The following TYW1 variants were observed in gnomAD, a reference collection of about 807,000 sequenced individuals.
The protein encoded by TYW1 is tRNA-yW synthesizing protein 1 homolog.
In TYW1, 46 loss-of-function variants were observed where a neutral mutation model predicts 96.2. The observed-to-expected ratio is 0.48, with a 90% CI of 0.38 to 0.61. The LOEUF (loss-of-function observed/expected upper bound fraction) is 0.61, where lower values mean the gene tolerates loss of function less well. Ranked by LOEUF, TYW1 falls within the 20% of genes least tolerant of loss-of-function variation. TYW1 has a pLI of 0.00. For synonymous variants in TYW1, 274 were observed against 323.0 expected, an observed-to-expected ratio of 0.85 and a Z score of 1.63; for missense variants, 684 against 909.6, an observed-to-expected ratio of 0.75 and a Z score of 3.19.
Position 67,098,734 on chromosome 7 carries a change from T to C in TYW1, c.1562+16T>C, listed in dbSNP as rs778900116. The stretch of plus-strand genomic sequence containing the variant: ...CGGAAATCAGGTGAGTTCTCCAGCC[T>C]ATGGAGAGATGCTGCTTGAATCTAT... On this transcript the variant is annotated intron_variant, in intron 12 of 15. Transcript: ENST00000359626. The C allele has an allele frequency of 6.3e-7, 1 of 1,590,156 alleles. No homozygotes were observed. The highest frequency in any genetic ancestry group is 1.2e-5 in the South Asian group (1 of 86,932).
At chr7:67,007,860 C>T (rs1421479168) in intron 3 of TYW1, among the ~76,000 whole-genome samples, 1 of 152,112 alleles carries the variant, frequency 6.6e-6, no homozygotes. Context: ...GTCTTGAACT[C>T]CTGACCTCAG....
chr7:67,096,346 C>T (rs1388633678), intron 11 of TYW1, among the ~76,000 whole-genome samples: 4 of 152,106 alleles, frequency 2.6e-5, no homozygotes, highest in East Asian at 1.9e-4. Context: ...GCTATTTTGC[C>T]ACTGCAATCC....
intron 12 of TYW1, among the ~76,000 whole-genome samples, chr7:67,108,798 G>T (rs7795025): frequency 0.17 from 26,350 of 151,786 alleles, 2,642 homozygotes; most frequent in African/African-American, 0.27. Flanking sequence ...TTACCAAATG[G>T]CCATTTGCTG....
At chr7:67,136,380 A>G (rs1247781750) in intron 13 of TYW1, among the ~76,000 whole-genome samples, 1 of 152,214 alleles carries the variant, frequency 6.6e-6, no homozygotes, top group Non-Finnish European at 1.5e-5. Flanking sequence ...GTATGAAACT[A>G]TTACAGTTAT....
rs139901081 is a variant in TYW1, at chr7:67,235,654, G to A, written c.1978-2654G>A. Among the ~76,000 whole-genome samples, 332 of 152,206 alleles carry A rather than the reference G, an allele frequency of 2.2e-3. 13 individuals are homozygous for A. In the East Asian group the frequency reaches 0.062, roughly 28 times the overall value. ...CGCCTGTTATCCCAGCACTTTGGGA[G>A]GCCGAGATGGGCGGATCACAAGGTC... On this transcript the variant is annotated intron_variant, in intron 15 of 15. Transcript: ENST00000359626.
intron 9 of TYW1, among the ~76,000 whole-genome samples, chr7:67,066,024 C>A (rs868773687): frequency 1.3e-3 from 184 of 136,608 alleles, no homozygotes; most frequent in African/African-American, 4.9e-3. Context: ...CACACACACA[C>A]ACACACACCC....
chr7:67,162,464 T>C (rs527629212), intron 13 of TYW1, among the ~76,000 whole-genome samples: 2 of 152,266 alleles, frequency 1.3e-5, no homozygotes, highest in African/African-American at 2.4e-5. Context: ...TCTGGAGAAA[T>C]AGACCTGCTC....
At position 67,101,042 on chromosome 7, in the gene TYW1, T is replaced by C. The variant is rs1797071653; in HGVS notation, c.1562+2324T>C. On this transcript the variant is annotated intron_variant, in intron 12 of 15. Coordinates refer to ENST00000359626, the MANE Select transcript of TYW1 (RefSeq NM_018264.4). ...TTATCAGAAGCCTGTACTGCTTCTG[T>C]GTCTCTTTGTTGTGCTTATGTGGGA... Among the ~76,000 whole-genome samples, 3 of 152,222 alleles carry C rather than the reference T, an allele frequency of 2.0e-5. No individual in the cohort carries two copies. In the South Asian group the frequency reaches 6.2e-4, roughly 32 times the overall value.
chr7:67,138,096 A>T (rs7809810), intron 13 of TYW1, among the ~76,000 whole-genome samples: 48,119 of 151,934 alleles, frequency 0.32, 8,216 homozygotes, highest in African/African-American at 0.45. Flanking sequence ...CTTGCTTTGC[A>T]GACACCCCAC....
intron 10 of TYW1, among the ~76,000 whole-genome samples, chr7:67,076,775 CT>C (rs543408648): frequency 3.4e-3 from 418 of 123,596 alleles, no homozygotes; most frequent in Middle Eastern, 4.9e-3. Flanking sequence ...TGCACTCAGC[CT>C]TTTTTTTTTT....
intron 11 of TYW1, among the ~76,000 whole-genome samples, chr7:67,085,793 A>AC (rs1370648006): frequency 1.3e-5 from 2 of 151,920 alleles, no homozygotes; most frequent in Admixed American, 1.3e-4. Context: ...ACATGGTGAA[A>AC]CCCCATCTCT....
intron 12 of TYW1, among the ~76,000 whole-genome samples, chr7:67,101,165 G>A (rs1797077716): frequency 6.6e-6 from 1 of 152,152 alleles, no homozygotes. Flanking sequence ...GCACCTGAAC[G>A]GAAAGGAATG....
rs116847508 is a variant in TYW1 at position 67,081,070 on chromosome 7, G to T, written c.1275-2360G>T. On this transcript the variant is annotated intron_variant, in intron 10 of 15. Transcript: ENST00000359626. ...AGTTTATACTTTTGTGTATTTTCAT[G>T]ATGGTAATTATTCTTTCACTTCCTG... Among the ~76,000 whole-genome samples the T allele has an allele frequency of 9.8e-4, 141 of 143,428 alleles. 1 individual carries two copies. In the East Asian group the frequency reaches 0.024, roughly 24 times the overall value. The allele number at this position is 143,428 out of a possible 152,430, so 94.1% of individuals were successfully genotyped here.
intron 3 of TYW1, among the ~76,000 whole-genome samples, chr7:67,007,667 C>T (rs1793647773): frequency 6.6e-6 from 1 of 152,108 alleles, no homozygotes; most frequent in Non-Finnish European, 1.5e-5. Flanking sequence ...GAGTCTCGCT[C>T]TGTCGTCCAG....
intron 7 of TYW1, among the ~76,000 whole-genome samples, chr7:67,030,926 C>T (rs1403639670): frequency 1.3e-5 from 2 of 151,716 alleles, no homozygotes; most frequent in Non-Finnish European, 2.9e-5. Context: ...GTTGGCCTGG[C>T]ACGGTGGCTC....
At chr7:67,140,920 G>T (rs1442816319) in intron 13 of TYW1, among the ~76,000 whole-genome samples, 1 of 152,302 alleles carries the variant, frequency 6.6e-6, no homozygotes, top group Admixed American at 6.5e-5. Context: ...CCAAGTGTCT[G>T]GGGGTGGAGG....
intron 12 of TYW1, among the ~76,000 whole-genome samples, chr7:67,105,792 A>G (rs944935763): frequency 6.6e-6 from 1 of 152,156 alleles, no homozygotes; most frequent in Non-Finnish European, 1.5e-5. Context: ...GGAAGAAATC[A>G]TATCACTTTG....
intron 15 of TYW1, among the ~76,000 whole-genome samples, chr7:67,214,095 T>G (rs559849432): frequency 1.4e-3 from 211 of 152,274 alleles, no homozygotes; most frequent in South Asian, 6.4e-3. Context: ...TACAAACCCA[T>G]TTGGGAAAAA....
intron 3 of TYW1, among the ~76,000 whole-genome samples, chr7:67,004,730 G>A (rs1237222760): frequency 6.6e-6 from 1 of 151,878 alleles, no homozygotes; most frequent in East Asian, 1.9e-4. Context: ...GCTTAATTTG[G>A]CTGGATATGA....
Sources: gnomAD v4.1 joint callset for allele counts (sites outside exome capture counted in the v4.1 genomes callset) on GRCh38, gnomAD v4.1.1 for gene constraint, MANE v1.5 for transcripts, NCBI Gene and HGNC (gene_info 2026-07-23, HGNC 2026-07-21) for gene names.